The following GPHN variants were observed in gnomAD, a reference collection of about 807,000 sequenced individuals.
GPHN encodes the protein gephyrin.
Under a neutral mutation model 95.5 loss-of-function variants are expected in GPHN, and 17 were observed. That is an observed-to-expected ratio of 0.18 (90% confidence interval 0.12 to 0.27). The LOEUF (loss-of-function observed/expected upper bound fraction) is 0.27. Among genes scored for constraint, GPHN ranks in the 10% least tolerant of loss-of-function variants. The pLI, the probability that GPHN is intolerant of heterozygous loss-of-function variation, is 1.00. For synonymous variants in GPHN, 320 were observed against 322.5 expected, an observed-to-expected ratio of 0.99 and a Z score of 0.08; for missense variants, 660 against 978.1, an observed-to-expected ratio of 0.67 and a Z score of 4.34.
At chr14:66,699,714 A>G (rs2068385488) in intron 2 of GPHN, among the ~76,000 whole-genome samples, 1 of 152,148 alleles carries the variant, frequency 6.6e-6, no homozygotes, top group Admixed American at 6.6e-5. Context: ...TGCTGTTTTT[A>G]TACTATTTGT....
intron 1 of GPHN, among the ~76,000 whole-genome samples, chr14:66,604,881 A>G (rs2062444007): frequency 2.5e-5 from 3 of 119,502 alleles, no homozygotes; most frequent in African/African-American, 9.9e-5. Flanking sequence ...AGACAACTCT[A>G]AATGTCTATT....
At chr14:66,709,826 T>A (rs1480055259) in intron 2 of GPHN, among the ~76,000 whole-genome samples, 1 of 151,908 alleles carries the variant, frequency 6.6e-6, no homozygotes, top group Non-Finnish European at 1.5e-5. Flanking sequence ...AAAGGGGAAA[T>A]GTATCTTTTT....
At chr14:67,569,175 G>A in the GPHN span, 5 of 1,613,304 alleles carry the variant, frequency 3.1e-6, no homozygotes, top group African/African-American at 1.3e-5. Flanking sequence ...TCGGGCATGC[G>A]GCTCTCAGAT....
chr14:66,597,016 C>A (rs2062011792), intron 1 of GPHN, among the ~76,000 whole-genome samples: 2 of 152,170 alleles, frequency 1.3e-5, no homozygotes, highest in Non-Finnish European at 1.5e-5. Flanking sequence ...AGGATAGGGA[C>A]AATGACTGCT....
At chr14:67,070,650 C>T (rs567100619) in intron 11 of GPHN, among the ~76,000 whole-genome samples, 350 of 134,632 alleles carry the variant, frequency 2.6e-3, no homozygotes, top group Non-Finnish European at 3.2e-3. Flanking sequence ...GAGCTGAGAT[C>T]GTGCCATTGT....
At chr14:66,870,135 C>G (rs1044115017) in intron 4 of GPHN, among the ~76,000 whole-genome samples, 1 of 152,088 alleles carries the variant, frequency 6.6e-6, no homozygotes, top group Non-Finnish European at 1.5e-5. Context: ...TAGAAGGGTT[C>G]TAATGTTTTA....
chr14:66,935,187 T>A (rs1009216370), intron 8 of GPHN, among the ~76,000 whole-genome samples: 2 of 152,070 alleles, frequency 1.3e-5, no homozygotes, highest in African/African-American at 4.8e-5. Context: ...AGTAATAATA[T>A]TAACAACAGG....
At chr14:67,248,404 A>G in the GPHN span, among the ~76,000 whole-genome samples, 4,622 of 152,270 alleles carry the variant, frequency 0.03, 87 homozygotes, top group Non-Finnish European at 0.036. Flanking sequence ...AAAATACTTA[A>G]TGAAGTCAGT....
intron 1 of GPHN, among the ~76,000 whole-genome samples, chr14:66,610,928 A>T (rs2062753926): frequency 6.6e-6 from 1 of 152,142 alleles, no homozygotes; most frequent in African/African-American, 2.4e-5. Context: ...GTGGGGAATG[A>T]AGAATGCAAT....
chr14:66,926,611 ATC>A (rs1368793473), intron 8 of GPHN, among the ~76,000 whole-genome samples: 1 of 152,032 alleles, frequency 6.6e-6, no homozygotes, highest in African/African-American at 2.4e-5. Flanking sequence ...TGGTCTATGT[ATC>A]TGTTTTTATG....
chr14:67,075,746 C>A (rs1194235951), intron 11 of GPHN, among the ~76,000 whole-genome samples: 2 of 152,126 alleles, frequency 1.3e-5, no homozygotes, highest in Non-Finnish European at 2.9e-5. Context: ...GTCAAAATAG[C>A]AAGGGGACTA....
the GPHN span, chr14:67,199,601 G>T: frequency 1.9e-6 from 3 of 1,590,654 alleles, no homozygotes; most frequent in Non-Finnish European, 2.6e-6. Context: ...CTTCGAGAAG[G>T]ACTCCAAGGG....
the GPHN span, chr14:67,600,268 C>T: frequency 2.2e-6 from 3 of 1,368,732 alleles, no homozygotes; most frequent in Middle Eastern, 1.9e-4. Context: ...CTGGCCGTCT[C>T]GCCCGCTCCA....
chr14:66,639,007 G>A (rs1192968078), intron 1 of GPHN, among the ~76,000 whole-genome samples: 1 of 151,972 alleles, frequency 6.6e-6, no homozygotes, highest in Admixed American at 6.6e-5. Context: ...TTTGCAGCAA[G>A]AACCTGGACC....
intron 2 of GPHN, among the ~76,000 whole-genome samples, chr14:66,770,669 T>C (rs1280530095): frequency 6.6e-6 from 1 of 152,198 alleles, no homozygotes; most frequent in African/African-American, 2.4e-5. Flanking sequence ...AACACTGATA[T>C]TCCAAAAATA....
At chr14:67,344,472 CT>C in the GPHN span, among the ~76,000 whole-genome samples, 1 of 152,074 alleles carries the variant, frequency 6.6e-6, no homozygotes, top group Non-Finnish European at 1.5e-5. Context: ...CATTAATAAC[CT>C]AGATATATAC....
intron 2 of GPHN, among the ~76,000 whole-genome samples, chr14:66,756,391 T>C (rs534717804): frequency 6.6e-6 from 1 of 152,156 alleles, no homozygotes; most frequent in Non-Finnish European, 1.5e-5. Context: ...AGGTTTCTTA[T>C]CTAAACCTGT....
At chr14:67,181,976 A>G (rs539781052), downstream of GPHN, among the ~76,000 whole-genome samples, 1 of 152,224 alleles carries the variant, frequency 6.6e-6, no homozygotes, top group Non-Finnish European at 1.5e-5. Flanking sequence ...TCATAGCATT[A>G]TGATCTGTAG....
chr14:67,280,853 T>TTCCTTCCTTCCTTCCTTCCCTCCTTCCC, the GPHN span, among the ~76,000 whole-genome samples: 3 of 77,608 alleles, frequency 3.9e-5, no homozygotes, highest in Non-Finnish European at 6.3e-5. Flanking sequence ...CCTTCCTTCC[T>TTCCTTCCTTCCTTCCTTCCCTCCTTCCC]TCCCTCCCTC....
Sources: allele counts gnomAD v4.1 joint callset (sites outside exome capture counted in the v4.1 genomes callset), GRCh38; gene constraint gnomAD v4.1.1; transcripts MANE v1.5; gene names NCBI Gene and HGNC (gene_info 2026-07-23, HGNC 2026-07-21).